The following PHF20 variants were observed in gnomAD, a reference collection of about 807,000 sequenced individuals.
The protein encoded by PHF20 is PHD finger protein 20.
In PHF20, 23 loss-of-function variants were observed where a neutral mutation model predicts 113.5. The observed-to-expected ratio is 0.20, with a 90% CI of 0.15 to 0.29. The LOEUF (loss-of-function observed/expected upper bound fraction) is 0.29. Ranked by LOEUF, PHF20 falls within the 10% of genes least tolerant of loss-of-function variation. PHF20 has a pLI of 1.00. For synonymous variants in PHF20, 434 were observed against 457.3 expected, an observed-to-expected ratio of 0.95 and a Z score of 0.65; for missense variants, 943 against 1,219.6, an observed-to-expected ratio of 0.77 and a Z score of 3.38.
chr20:35,860,164 A>G (rs2054193528), intron 5 of PHF20, among the ~76,000 whole-genome samples: 1 of 151,144 alleles, frequency 6.6e-6, no homozygotes, highest in African/African-American at 2.4e-5. Context: ...TGATCCGCCC[A>G]CCTTGGACTC....
chr20:35,927,196 A>G (rs1480525226), intron 13 of PHF20, among the ~76,000 whole-genome samples: 2 of 152,196 alleles, frequency 1.3e-5, no homozygotes, highest in African/African-American at 4.8e-5. Flanking sequence ...TTCAATAGCT[A>G]TGTGATCTTT....
rs142881753 is a variant in PHF20, at chr20:35,907,690, G to T, written c.1562-5559G>T. On this transcript the variant is annotated intron_variant, in intron 10 of 17. Coordinates refer to ENST00000374012, the MANE Select transcript of PHF20 (RefSeq NM_016436.5). ...GCCTAATTTATGCAGTTATTCCACT[G>T]TGGTCTCAGAGTGTGGTTGATATGA... is the stretch of plus-strand genomic sequence containing the variant. Among the ~76,000 whole-genome samples, 922 of 152,332 alleles carry T rather than the reference G, an allele frequency of 6.1e-3. 11 individuals are homozygous for T. Among genetic ancestry groups the T allele is most frequent in the African/African-American group, 0.021 (873 of 41,566 alleles).
intron 9 of PHF20, among the ~76,000 whole-genome samples, chr20:35,877,429 CTTTT>C (rs1367706156): frequency 3.4e-5 from 5 of 146,272 alleles, no homozygotes; most frequent in African/African-American, 9.9e-5. Flanking sequence ...TCTTTTCTTT[CTTTT>C]CTTTTTTTTC....
Position 35,869,567 on chromosome 20 carries a change from G to A in PHF20, c.922+16G>A. The A allele has an allele frequency of 7.5e-7, 1 of 1,328,264 alleles. No homozygotes were observed. The highest frequency in any genetic ancestry group is 1.2e-5 in the South Asian group (1 of 83,910). The allele number at this position is 1,328,264 out of a possible 1,614,324, so 82.3% of individuals were successfully genotyped here. ...AAAAATTCATGTGAGTCTACAGTTT[G>A]TTTATGTGTGGCTAGAATTTGACGT... On this transcript the variant is annotated intron_variant, in intron 7 of 17. Coordinates refer to ENST00000374012, the MANE Select transcript of PHF20 (RefSeq NM_016436.5).
chr20:35,931,535 A>G lies in PHF20; in HGVS notation c.2300+91A>G, dbSNP rs193105203. ...GAGAAATTGGAAAGCTACCAAAGCA[A>G]TCAAATCATAAAACTGAGTTTGAGA... is the stretch of plus-strand genomic sequence containing the variant. On this transcript the variant is annotated intron_variant, in intron 15 of 17. Transcript: ENST00000374012. 4 of 963,984 alleles carry G rather than the reference A, an allele frequency of 4.1e-6. No homozygotes were observed. In the East Asian group the frequency reaches 1.0e-4, roughly 24 times the overall value. The allele number at this position is 963,984 out of a possible 1,614,324, so 59.7% of individuals were successfully genotyped here.
In PHF20 at chr20:35,801,477, A is replaced by C. The variant is rs377680728; in HGVS notation, c.-32-14A>C. 1.0e-4 allele frequency: 137 copies of C among 1,372,228 alleles called. No homozygotes were observed. The highest frequency in any genetic ancestry group is 1.8e-4 in the Middle Eastern group (1 of 5,586). 85.0% of individuals were successfully genotyped at this position (1,372,228 alleles called of 1,614,324 possible). A position where few individuals can be genotyped will look rare whatever the true frequency, so the allele number is the denominator to read the frequency against. Reference sequence around the variant, plus strand: ...TTTGCCTAAGTTTCATAAATATTTAATTGGCTTTTTCAGGAGAATAAAGGC... The same window carrying C: ...TTTGCCTAAGTTTCATAAATATTTACTTGGCTTTTTCAGGAGAATAAAGGC... On this transcript the variant is annotated splice_polypyrimidine_tract_variant and intron_variant, in intron 1 of 17. Coordinates refer to ENST00000374012, the MANE Select transcript of PHF20 (RefSeq NM_016436.5).
Position 35,863,152 on chromosome 20 carries a change from C to G in PHF20, c.560C>G (p.Thr187Arg). The G allele has an allele frequency of 6.2e-7, 1 of 1,613,790 alleles. No individual in the cohort carries two copies. Among genetic ancestry groups the G allele is most frequent in the Non-Finnish European group, 8.5e-7 (1 of 1,179,962 alleles). Residue 187 changes from threonine to arginine, a missense_variant, in exon 6 of 18, where the codon ACA becomes AGA. By Grantham distance (71) the Thr-to-Arg change is moderately conservative. This residue lies in a region of PHF20 where 592 missense variants were observed against 787.2 expected (regional missense o/e 0.75). Coordinates refer to ENST00000374012, the MANE Select transcript of PHF20 (RefSeq NM_016436.5). ...GACAAAGAAGATAAACCCTTAAAGA[C>G]AGAAAAGCGACCCAAGCAGCCTGAT... ...KKDKEDKPLK[T>R]EKRPKQPDKE...
chr20:35,793,350 A>C (rs1399098035), intron 1 of PHF20, among the ~76,000 whole-genome samples: 1 of 146,900 alleles, frequency 6.8e-6, no homozygotes, highest in East Asian at 2.0e-4. Flanking sequence ...CCCAGGCTGG[A>C]GTGCAGTGGC....
intron 10 of PHF20, 139 bp downstream of exon 10, chr20:35,899,787 C>A: frequency 1.1e-6 from 1 of 900,328 alleles, no homozygotes; most frequent in African/African-American, 1.7e-5. Context: ...TTAAGTGATC[C>A]TCTGGGCTGT....
chr20:35,799,872 G>C (rs543987389), intron 1 of PHF20, among the ~76,000 whole-genome samples: 251 of 152,216 alleles, frequency 1.6e-3, no homozygotes, highest in African/African-American at 5.9e-3. Context: ...TCACCATGTT[G>C]GCCAGGCTGG....
At chr20:35,800,646 C>G (rs1324639710) in intron 1 of PHF20, among the ~76,000 whole-genome samples, 1 of 152,090 alleles carries the variant, frequency 6.6e-6, no homozygotes, top group African/African-American at 2.4e-5. Flanking sequence ...TGGCATGCGC[C>G]TGTAGTCCCA....
chr20:35,787,840 G>A (rs2041453638), intron 1 of PHF20, among the ~76,000 whole-genome samples: 1 of 151,358 alleles, frequency 6.6e-6, no homozygotes, highest in Middle Eastern at 3.4e-3. Flanking sequence ...GAATGCAGTG[G>A]CGCAATCTTT....
In PHF20 at chr20:35,897,559, C is replaced by CTTTTT. The variant is rs150122625; in HGVS notation, c.1283-1792_1283-1788dup. The stretch of plus-strand genomic sequence containing the variant: ...AACTTATTCCTCCTATTCTGGATCC[C>CTTTTT]TTTTTTTTTTTTTTTTTTTTTTTCT... On this transcript the variant is annotated intron_variant, in intron 9 of 17. Coordinates refer to ENST00000374012, the MANE Select transcript of PHF20 (RefSeq NM_016436.5). 1.9e-4 allele frequency among the ~76,000 whole-genome samples: 20 copies of CTTTTT among 107,672 alleles called. 1 individual carries two copies. The highest frequency in any genetic ancestry group is 3.0e-4 in the Admixed American group (3 of 9,872). 70.6% of individuals were successfully genotyped at this position (107,672 alleles called of 152,430 possible).
intron 2 of PHF20, among the ~76,000 whole-genome samples, chr20:35,818,136 A>T (rs2042108967): frequency 6.6e-6 from 1 of 151,800 alleles, no homozygotes; most frequent in Non-Finnish European, 1.5e-5. Flanking sequence ...GTACAAAAAA[A>T]ATTAGGCGCA....
chr20:35,858,951 T>A (rs2146965319), intron 5 of PHF20, among the ~76,000 whole-genome samples: 1 of 152,340 alleles, frequency 6.6e-6, no homozygotes, highest in East Asian at 1.9e-4. Context: ...GTTCTCCTAA[T>A]CTTTTTTCAA....
At chr20:35,888,841 A>G (rs1228467127) in intron 9 of PHF20, among the ~76,000 whole-genome samples, 2 of 150,790 alleles carry the variant, frequency 1.3e-5, no homozygotes, top group Admixed American at 6.6e-5. Context: ...GAACCATATT[A>G]GTATGCTAAG....
At chr20:35,927,663 C>T (rs2055668366) in intron 13 of PHF20, 117 bp from the exon 14 acceptor site, 2 of 772,026 alleles carry the variant, frequency 2.6e-6, no homozygotes, top group Non-Finnish European at 4.6e-6. Context: ...GGAGGGAGTG[C>T]TCCTTCCTCC....
chr20:35,809,688 A>G (rs2041943833), intron 2 of PHF20, among the ~76,000 whole-genome samples: 1 of 151,224 alleles, frequency 6.6e-6, no homozygotes, highest in Non-Finnish European at 1.5e-5. Context: ...TTTCAAGACC[A>G]GCCTGGACAA....
intron 7 of PHF20, among the ~76,000 whole-genome samples, chr20:35,869,855 A>G (rs1282397234): frequency 6.6e-6 from 1 of 152,176 alleles, no homozygotes; most frequent in Non-Finnish European, 1.5e-5. Flanking sequence ...ATGCAGAGTG[A>G]AACTTTAAAA....
Sources: allele counts gnomAD v4.1 joint callset (sites outside exome capture counted in the v4.1 genomes callset), GRCh38; gene constraint gnomAD v4.1.1; regional missense constraint gnomAD v4.1.1; transcripts MANE v1.5; gene names NCBI Gene and HGNC (gene_info 2026-07-23, HGNC 2026-07-21).